FER: variants seen among roughly 807,000 people sequenced by gnomAD.
The protein encoded by FER is FER tyrosine kinase.
FER carries 63 observed loss-of-function variants against 111.0 expected under a neutral mutation model. The ratio of observed to expected loss-of-function variants is 0.57; its 90% CI spans 0.46 to 0.70. FER has a LOEUF of 0.70. Among genes scored for constraint, FER ranks in the 30% least tolerant of loss-of-function variants. The pLI, the probability that FER is intolerant of heterozygous loss-of-function variation, is 0.00. For missense variants in FER, 914 were observed against 954.0 expected, an observed-to-expected ratio of 0.96 and a Z score of 0.55; for synonymous variants, 327 against 313.9, an observed-to-expected ratio of 1.04 and a Z score of -0.44.
At chr5:108,864,841 G>T (rs996311916) in intron 5 of FER, among the ~76,000 whole-genome samples, 4 of 152,034 alleles carry the variant, frequency 2.6e-5, no homozygotes, top group Admixed American at 2.6e-4. Context: ...GGCAATGTGG[G>T]CTCTTTTTTG....
intron 16 of FER, among the ~76,000 whole-genome samples, chr5:109,054,259 A>G (rs1327268069): frequency 1.3e-5 from 2 of 152,226 alleles, no homozygotes; most frequent in African/African-American, 4.8e-5. Context: ...ACAGCAGTCT[A>G]TGATAGTTTC....
chr5:108,888,449 A>G (rs1371838589), intron 9 of FER, among the ~76,000 whole-genome samples: 1 of 151,914 alleles, frequency 6.6e-6, no homozygotes, highest in Admixed American at 6.6e-5. Context: ...AGGAACAGCT[A>G]CTTAAGAAGT....
intron 13 of FER, among the ~76,000 whole-genome samples, chr5:108,989,177 A>G (rs1762894130): frequency 6.6e-6 from 1 of 152,024 alleles, no homozygotes. Context: ...AATAATCTTC[A>G]AATGTGTAAA....
At chr5:109,153,706 T>C (rs914591459) in intron 17 of FER, among the ~76,000 whole-genome samples, 1 of 151,948 alleles carries the variant, frequency 6.6e-6, no homozygotes, top group African/African-American at 2.4e-5. Flanking sequence ...GCAAGTGATA[T>C]CATTATCCCC....
chr5:108,817,103 CAA>C (rs70999913), intron 3 of FER, among the ~76,000 whole-genome samples: 301 of 59,044 alleles, frequency 5.1e-3, no homozygotes, highest in Middle Eastern at 0.037. Context: ...GACACTGTCT[CAA>C]AAAAAAAAAA....
At position 109,158,665 on chromosome 5, in the gene FER, C is replaced by T. The variant is rs867954751; in HGVS notation, c.2049-22082C>T. Among the ~76,000 whole-genome samples, 91 of 152,182 alleles carry T rather than the reference C, an allele frequency of 6.0e-4. 1 individual carries two copies. Among genetic ancestry groups the T allele is most frequent in the South Asian group, 1.0e-3 (5 of 4,818 alleles). ...TTGCCTTCGGATGATAGCTAGCATTCGAGACTCTCCAGAATCTAGCTTGAG... is the reference window on the plus strand; with the variant it reads ...TTGCCTTCGGATGATAGCTAGCATTTGAGACTCTCCAGAATCTAGCTTGAG... On this transcript the variant is annotated intron_variant, in intron 17 of 19. Coordinates refer to ENST00000281092, the MANE Select transcript of FER (RefSeq NM_005246.4).
chr5:108,893,699 A>G lies in FER; in HGVS notation c.1047-3960A>G, dbSNP rs952530382. Among the ~76,000 whole-genome samples, 5 of 152,118 alleles carry G rather than the reference A, an allele frequency of 3.3e-5. 1 individual carries two copies. In the South Asian group the frequency reaches 1.0e-3, roughly 31 times the overall value. On this transcript the variant is annotated intron_variant, in intron 9 of 19. Transcript: ENST00000281092. ...ATTTGTGTGAGCGGCTGAATGACGA[A>G]CAGCAACAAGACAAAAGGCAACTGT...
chr5:109,169,334 A>G (rs988215248), intron 17 of FER, among the ~76,000 whole-genome samples: 1 of 152,184 alleles, frequency 6.6e-6, no homozygotes, highest in Non-Finnish European at 1.5e-5. Context: ...ACAGAAAAGA[A>G]ATTGAATTTC....
chr5:109,029,988 T>C (rs183808216), intron 13 of FER, among the ~76,000 whole-genome samples: 2 of 152,252 alleles, frequency 1.3e-5, no homozygotes, highest in African/African-American at 4.8e-5. Context: ...GTTCCTAAGG[T>C]TCTGTTCATT....
intron 3 of FER, among the ~76,000 whole-genome samples, chr5:108,806,305 A>C (rs1042877376): frequency 6.6e-6 from 1 of 152,320 alleles, no homozygotes; most frequent in South Asian, 2.1e-4. Flanking sequence ...TCCCAGCAGA[A>C]GTTTGCCACA....
At chr5:109,079,378 T>C (rs1776728958) in intron 16 of FER, among the ~76,000 whole-genome samples, 1 of 152,044 alleles carries the variant, frequency 6.6e-6, no homozygotes, top group Admixed American at 6.6e-5. Context: ...AAGTGGGAGA[T>C]ACTGGGAAGC....
chr5:109,167,416 A>G (rs1756668243), intron 17 of FER, among the ~76,000 whole-genome samples: 1 of 152,192 alleles, frequency 6.6e-6, no homozygotes, highest in South Asian at 2.1e-4. Flanking sequence ...CATCTGCATA[A>G]TAGAGACTTA....
chr5:108,813,787 T>C (rs562503713), intron 3 of FER, among the ~76,000 whole-genome samples: 19 of 152,274 alleles, frequency 1.2e-4, no homozygotes, highest in East Asian at 5.8e-4. Context: ...CTTCCCTCAC[T>C]CCTCCTTTTC....
At chr5:109,022,674 T>C (rs754119092) in intron 13 of FER, among the ~76,000 whole-genome samples, 7 of 152,086 alleles carry the variant, frequency 4.6e-5, no homozygotes, top group Non-Finnish European at 8.8e-5. Flanking sequence ...TCAGATAAAG[T>C]TTCTCTGAGG....
At chr5:109,162,680 T>C (rs920138064) in intron 17 of FER, among the ~76,000 whole-genome samples, 1 of 152,116 alleles carries the variant, frequency 6.6e-6, no homozygotes, top group African/African-American at 2.4e-5. Context: ...TGTTTTGCAA[T>C]CCCATGTAAA....
intron 16 of FER, among the ~76,000 whole-genome samples, chr5:109,065,121 A>C (rs1028242499): frequency 6.6e-6 from 1 of 152,152 alleles, no homozygotes; most frequent in Non-Finnish European, 1.5e-5. Context: ...TTCACCAATA[A>C]CCTATCCAAT....
At chr5:109,026,550 G>A (rs1768765302) in intron 13 of FER, among the ~76,000 whole-genome samples, 1 of 152,094 alleles carries the variant, frequency 6.6e-6, no homozygotes. Context: ...TAAATGTGCT[G>A]AGCCAGCTAG....
intron 17 of FER, among the ~76,000 whole-genome samples, chr5:109,115,972 T>TA (rs1750180336): frequency 6.6e-6 from 1 of 152,078 alleles, no homozygotes. Context: ...GTTTTTCATA[T>TA]AAAAGAAGAT....
intron 16 of FER, among the ~76,000 whole-genome samples, chr5:109,058,603 C>T (rs960743820): frequency 2.0e-5 from 3 of 151,372 alleles, no homozygotes; most frequent in Non-Finnish European, 4.4e-5. Flanking sequence ...GCTTTGAATC[C>T]TCTAGTCTTA....
Sources: allele counts gnomAD v4.1 joint callset (sites outside exome capture counted in the v4.1 genomes callset), GRCh38; gene constraint gnomAD v4.1.1; transcripts MANE v1.5; gene names NCBI Gene and HGNC (gene_info 2026-07-23, HGNC 2026-07-21).